Variants in PARD3B observed in about 807,000 individuals in gnomAD.
PARD3B encodes the protein partitioning defective 3 homolog B.
PARD3B carries 103 observed loss-of-function variants against 130.2 expected under a neutral mutation model. That is an observed-to-expected ratio of 0.79 (90% CI 0.67 to 0.93). The LOEUF (loss-of-function observed/expected upper bound fraction) is 0.93. Among genes scored for constraint, PARD3B ranks in the 40% least tolerant of loss-of-function variants. The probability of loss-of-function intolerance (pLI) is 0.00; values close to 1 mark genes in which losing one functional copy is unlikely to be tolerated. For missense variants in PARD3B, 1,609 were observed against 1,499.2 expected, an observed-to-expected ratio of 1.07 and a Z score of -1.21; for synonymous variants, 583 against 553.2, an observed-to-expected ratio of 1.05 and a Z score of -0.76.
At chr2:205,004,936 G>C (rs1212328575) in intron 3 of PARD3B, among the ~76,000 whole-genome samples, 1 of 152,112 alleles carries the variant, frequency 6.6e-6, no homozygotes, top group East Asian at 1.9e-4. Context: ...TGTTTCTTGA[G>C]ACAGAATTTC....
At chr2:204,882,339 T>C (rs1041671563) in intron 2 of PARD3B, among the ~76,000 whole-genome samples, 2 of 152,226 alleles carry the variant, frequency 1.3e-5, no homozygotes, top group Non-Finnish European at 2.9e-5. Flanking sequence ...TAAATATTTT[T>C]TCTAGATTAC....
intron 2 of PARD3B, among the ~76,000 whole-genome samples, chr2:204,874,928 C>T (rs2045776549): frequency 6.6e-6 from 1 of 152,136 alleles, no homozygotes; most frequent in South Asian, 2.1e-4. Context: ...TTTTTTATTG[C>T]TGAATAGTAT....
intron 2 of PARD3B, among the ~76,000 whole-genome samples, chr2:204,894,939 T>C (rs1461214767): frequency 3.3e-5 from 5 of 152,136 alleles, no homozygotes; most frequent in Non-Finnish European, 5.9e-5. Flanking sequence ...AAAGTAGATT[T>C]ATTTTAAAAG....
chr2:204,766,268 T>C (rs1159120845), intron 2 of PARD3B, among the ~76,000 whole-genome samples: 1 of 152,212 alleles, frequency 6.6e-6, no homozygotes, highest in Non-Finnish European at 1.5e-5. Context: ...TAGTACTTAA[T>C]ACTTATGTGT....
At chr2:204,550,336 GT>G (rs1309122453) in intron 1 of PARD3B, among the ~76,000 whole-genome samples, 2 of 151,258 alleles carry the variant, frequency 1.3e-5, no homozygotes, top group Non-Finnish European at 2.9e-5. Context: ...AGTACACGTA[GT>G]TTTTTTTCTA....
At chr2:205,245,248 T>C (rs2039521331) in intron 15 of PARD3B, among the ~76,000 whole-genome samples, 1 of 152,192 alleles carries the variant, frequency 6.6e-6, no homozygotes, top group Non-Finnish European at 1.5e-5. Flanking sequence ...GATCACTGCA[T>C]TTTGTTGCCT....
chr2:205,178,221 TG>T (rs3071215), intron 13 of PARD3B, among the ~76,000 whole-genome samples: 6 of 128,404 alleles, frequency 4.7e-5, no homozygotes, highest in South Asian at 2.4e-4. Context: ...CCAGCTACTA[TG>T]GGGGGGGAAA....
chr2:204,829,328 T>A (rs1199824442), intron 2 of PARD3B, among the ~76,000 whole-genome samples: 1 of 152,212 alleles, frequency 6.6e-6, no homozygotes, highest in Non-Finnish European at 1.5e-5. Context: ...CAATTTTAAA[T>A]GAGAAGACTG....
In PARD3B at chr2:205,117,698, T is replaced by C. The variant is rs376076740; in HGVS notation, c.681-1223T>C. Among the ~76,000 whole-genome samples the C allele has an allele frequency of 5.3e-4, 81 of 152,342 alleles. 1 individual carries two copies. The highest frequency in any genetic ancestry group is 1.7e-3 in the African/African-American group (72 of 41,566). ...TGACAAAGTCGAAAAGCAAGAGTATTGATAAAGTGCAGATCACAGTTTCTC... is the reference window on the plus strand; with the variant it reads ...TGACAAAGTCGAAAAGCAAGAGTATCGATAAAGTGCAGATCACAGTTTCTC... On this transcript the variant is annotated intron_variant, in intron 6 of 22. Coordinates refer to ENST00000406610, the MANE Select transcript of PARD3B (RefSeq NM_001302769.2).
intron 2 of PARD3B, among the ~76,000 whole-genome samples, chr2:204,900,341 A>G (rs2046809758): frequency 6.6e-6 from 1 of 152,112 alleles, no homozygotes; most frequent in African/African-American, 2.4e-5. Flanking sequence ...GTATTTTCAA[A>G]TAGCCTGTCT....
At position 205,221,706 on chromosome 2, in the gene PARD3B, A is replaced by G. The variant is rs962813106; in HGVS notation, c.2141-24072A>G. ...ACCATGTACAAACAATAAATTCTCT[A>G]TGATATCACCTAGCACTGTCTCTCT... On this transcript the variant is annotated intron_variant, in intron 15 of 22. Coordinates refer to ENST00000406610, the MANE Select transcript of PARD3B (RefSeq NM_001302769.2). 2.7e-5 allele frequency among the ~76,000 whole-genome samples: 4 copies of G among 148,414 alleles called. No homozygotes were observed. The South Asian group carries it at 6.5e-4, about 24-fold the overall frequency.
chr2:204,558,151 C>T (rs1441919386), intron 1 of PARD3B: 2 of 152,154 alleles, frequency 1.3e-5, no homozygotes, highest in African/African-American at 4.8e-5. Context: ...GGTTTTCTCT[C>T]AGTTTAGTCT....
In PARD3B at chr2:204,907,755, A is replaced by G. The variant is rs564837118; in HGVS notation, c.223-57397A>G. Reference sequence around the variant, plus strand: ...CTCACTCTGTCACCCAGGCTAGAGTACAGTGTTGCAATCTTGGCTCACTGC... The same window carrying G: ...CTCACTCTGTCACCCAGGCTAGAGTGCAGTGTTGCAATCTTGGCTCACTGC... On this transcript the variant is annotated intron_variant, in intron 2 of 22. Coordinates refer to ENST00000406610, the MANE Select transcript of PARD3B (RefSeq NM_001302769.2). This position sits in a 1 kb window ranked among gnomAD's most constrained non-coding sequence, Gnocchi z 5.7. 1.1e-3 allele frequency among the ~76,000 whole-genome samples: 161 copies of G among 152,118 alleles called. 1 individual carries two copies. Among genetic ancestry groups the G allele is most frequent in the African/African-American group, 3.7e-3 (154 of 41,490 alleles).
intron 1 of PARD3B, among the ~76,000 whole-genome samples, chr2:204,565,714 A>G (rs1254792825): frequency 6.6e-6 from 1 of 152,184 alleles, no homozygotes; most frequent in Non-Finnish European, 1.5e-5. Flanking sequence ...CTCAAGAAAT[A>G]CCTATCAAAA....
chr2:205,173,606 G>C (rs10198882), intron 12 of PARD3B, among the ~76,000 whole-genome samples: 1 of 151,882 alleles, frequency 6.6e-6, no homozygotes, highest in East Asian at 1.9e-4. Context: ...TATCAGCTAC[G>C]GGCAAGGAGT....
chr2:204,791,648 A>G (rs1459659491), intron 2 of PARD3B, among the ~76,000 whole-genome samples: 45 of 152,232 alleles, frequency 3.0e-4, no homozygotes, highest in Admixed American at 2.9e-3. Context: ...AGTAATAACT[A>G]TTGATTCCAG....
At chr2:205,376,335 G>T (rs893995614) in intron 18 of PARD3B, among the ~76,000 whole-genome samples, 1 of 147,554 alleles carries the variant, frequency 6.8e-6, no homozygotes, top group Middle Eastern at 3.5e-3. Flanking sequence ...AGGAAACAGT[G>T]AAAACAAGTG....
intron 16 of PARD3B, chr2:205,293,854 A>G (rs2105881982): frequency 6.6e-6 from 1 of 152,250 alleles, no homozygotes; most frequent in Admixed American, 6.5e-5. Context: ...CCTACAACAA[A>G]TATTTGTGCA....
chr2:205,618,698 GT>G lies in PARD3B; in HGVS notation c.*2886del, dbSNP rs1432104609. ...CCTATTTTTCTCCCTTTTTGCAGGA[GT>G]AGAGAGATGAAAGAGGACAGACCAT... On this transcript the variant is annotated 3_prime_UTR_variant, in exon 23 of 23. Coordinates refer to ENST00000406610, the MANE Select transcript of PARD3B (RefSeq NM_001302769.2). 6.6e-6 allele frequency: 1 copy of G among 152,144 alleles called. No homozygotes were observed. Among genetic ancestry groups the G allele is most frequent in the Non-Finnish European group, 1.5e-5 (1 of 68,032 alleles). 9.4% of individuals were successfully genotyped at this position (152,144 alleles called of 1,614,324 possible). A position where few individuals can be genotyped will look rare whatever the true frequency, so the allele number is the denominator to read the frequency against.
Sources: allele counts gnomAD v4.1 joint callset (sites outside exome capture counted in the v4.1 genomes callset), GRCh38; gene constraint gnomAD v4.1.1; non-coding constraint Gnocchi (gnomAD v3.1); transcripts MANE v1.5; gene names NCBI Gene and HGNC (gene_info 2026-07-23, HGNC 2026-07-21).